Variants in NAV2 observed in about 807,000 individuals in gnomAD.
The protein encoded by NAV2 is neuron navigator 2.
A neutral mutation model predicts 223.2 loss-of-function variants in NAV2; 54 were observed. The observed-to-expected ratio is 0.24, with a 90% CI of 0.19 to 0.30. The LOEUF (loss-of-function observed/expected upper bound fraction) is 0.30, where lower values mean the gene tolerates loss of function less well. Among genes scored for constraint, NAV2 ranks in the 10% least tolerant of loss-of-function variants. NAV2 has a pLI of 1.00. For synonymous variants in NAV2, 1,279 were observed against 1,239.3 expected, an observed-to-expected ratio of 1.03 and a Z score of -0.67; for missense variants, 2,806 against 3,147.5, an observed-to-expected ratio of 0.89 and a Z score of 2.60.
intron 1 of NAV2, among the ~76,000 whole-genome samples, chr11:19,698,799 C>T (rs2049421307): frequency 6.6e-6 from 1 of 152,008 alleles, no homozygotes; most frequent in South Asian, 2.1e-4. Context: ...GGACAGTGCT[C>T]ACGTGTGTGT....
intron 1 of NAV2, among the ~76,000 whole-genome samples, chr11:19,631,986 T>C (rs1361953432): frequency 6.6e-6 from 1 of 152,250 alleles, no homozygotes; most frequent in Non-Finnish European, 1.5e-5. Flanking sequence ...TTGTTTGCAT[T>C]CCAGCTGTGC....
At chr11:19,550,970 G>T (rs375598202) in intron 1 of NAV2, among the ~76,000 whole-genome samples, 1 of 152,248 alleles carries the variant, frequency 6.6e-6, no homozygotes, top group African/African-American at 2.4e-5. Flanking sequence ...TGAGAAGTAG[G>T]TATAAAGATG....
chr11:19,868,506 A>T (rs1052386518), intron 3 of NAV2, among the ~76,000 whole-genome samples: 6 of 152,226 alleles, frequency 3.9e-5, no homozygotes, highest in African/African-American at 1.4e-4. Context: ...GATTCCTGCG[A>T]AAACTCCCAT....
chr11:19,405,233 G>C (rs182333365), intron 1 of NAV2, among the ~76,000 whole-genome samples: 1 of 152,308 alleles, frequency 6.6e-6, no homozygotes, highest in East Asian at 1.9e-4. Flanking sequence ...TCTCTTCATG[G>C]ATGGGGAGAT....
intron 1 of NAV2, among the ~76,000 whole-genome samples, chr11:19,727,604 T>C (rs1240799968): frequency 6.6e-6 from 1 of 152,258 alleles, no homozygotes; most frequent in African/African-American, 2.4e-5. Flanking sequence ...CACCCTGCAA[T>C]TGTGCATTGA....
intron 1 of NAV2, among the ~76,000 whole-genome samples, chr11:19,390,723 A>G (rs1027381538): frequency 3.9e-5 from 6 of 152,106 alleles, no homozygotes; most frequent in Admixed American, 3.3e-4. Flanking sequence ...AATGGTCAGG[A>G]AGGCTTCTCT....
chr11:19,708,251 A>C (rs769448129), upstream of NAV2, among the ~76,000 whole-genome samples: 64 of 152,224 alleles, frequency 4.2e-4, 1 homozygote, highest in Non-Finnish European at 1.2e-4. Context: ...CAACTCAGCC[A>C]CTACTAAAAG....
intron 1 of NAV2, among the ~76,000 whole-genome samples, chr11:19,424,315 G>A (rs2133530355): frequency 6.6e-6 from 1 of 152,278 alleles, no homozygotes; most frequent in African/African-American, 2.4e-5. Context: ...ATTATTTGCT[G>A]CTTCCTAGAG....
intron 1 of NAV2, among the ~76,000 whole-genome samples, chr11:19,377,709 A>G (rs980664559): frequency 3.9e-5 from 6 of 152,052 alleles, no homozygotes; most frequent in Admixed American, 1.3e-4. Context: ...GTTCATGCCC[A>G]TTTTACAGAC....
At chr11:19,548,400 G>A (rs1479105219) in intron 1 of NAV2, among the ~76,000 whole-genome samples, 1 of 152,086 alleles carries the variant, frequency 6.6e-6, no homozygotes, top group African/African-American at 2.4e-5. Context: ...GCGAGCCTGT[G>A]CTTACCTCCA....
chr11:19,779,699 A>G (rs1277772083), intron 1 of NAV2, among the ~76,000 whole-genome samples: 1 of 152,246 alleles, frequency 6.6e-6, no homozygotes, highest in Non-Finnish European at 1.5e-5. Context: ...GATCCAGCAT[A>G]GAGTTGGAAG....
At position 20,018,983 on chromosome 11, in the gene NAV2, C is replaced by T. The variant is rs2436184; in HGVS notation, c.2769-16976C>T. On this transcript the variant is annotated intron_variant, in intron 11 of 37. Coordinates refer to ENST00000349880, the MANE Select transcript of NAV2 (RefSeq NM_145117.5). ...TGCATTTGTGGGTCCTGTCTTTGGA[C>T]GTAATGAAGAGGAGAAGCCAGATCA... Among the ~76,000 whole-genome samples, 1,157 of 152,176 alleles carry T rather than the reference C, an allele frequency of 7.6e-3. 15 individuals carry two copies. Among genetic ancestry groups the T allele is most frequent in the African/African-American group, 0.026 (1,095 of 41,498 alleles).
intron 6 of NAV2, among the ~76,000 whole-genome samples, chr11:19,897,464 A>G (rs1006030542): frequency 6.6e-6 from 1 of 152,158 alleles, no homozygotes; most frequent in Non-Finnish European, 1.5e-5. Context: ...GGAAATCCTA[A>G]AGAATTTATC....
intron 11 of NAV2, among the ~76,000 whole-genome samples, chr11:20,031,896 A>C (rs1424540258): frequency 6.6e-6 from 1 of 152,168 alleles, no homozygotes; most frequent in Non-Finnish European, 1.5e-5. Context: ...TGAATCTCCA[A>C]CAAGGCAGGA....
At chr11:19,413,463 A>G (rs1441272180) in intron 1 of NAV2, among the ~76,000 whole-genome samples, 1 of 152,190 alleles carries the variant, frequency 6.6e-6, no homozygotes, top group Non-Finnish European at 1.5e-5. Flanking sequence ...TGTACCTGAA[A>G]GTGATGGGGA....
At chr11:19,791,436 G>T (rs767363299) in intron 1 of NAV2, among the ~76,000 whole-genome samples, 1 of 152,084 alleles carries the variant, frequency 6.6e-6, no homozygotes, top group Non-Finnish European at 1.5e-5. Flanking sequence ...CAGGTGTGGA[G>T]CCCCTGGGGA....
chr11:20,073,912 T>C lies in NAV2; in HGVS notation c.4984-3640T>C, dbSNP rs138259253. 7.9e-3 allele frequency among the ~76,000 whole-genome samples: 1,207 copies of C among 152,260 alleles called. 15 individuals are homozygous for C. Among genetic ancestry groups the C allele is most frequent in the African/African-American group, 0.027 (1,106 of 41,540 alleles). The stretch of plus-strand genomic sequence containing the variant: ...CTGGATTCACTGATTTTTTGAAGGG[T>C]TTTTTGTGTCTCTATCTCCTTCAGT... On this transcript the variant is annotated intron_variant, in intron 22 of 37. Transcript: ENST00000349880.
chr11:19,791,210 A>G (rs1322210609), intron 1 of NAV2, among the ~76,000 whole-genome samples: 1 of 152,174 alleles, frequency 6.6e-6, no homozygotes, highest in Non-Finnish European at 1.5e-5. Context: ...CCACGTGGAC[A>G]TCACTCACAT....
intron 1 of NAV2, among the ~76,000 whole-genome samples, chr11:19,531,965 T>C (rs1464225965): frequency 6.6e-6 from 1 of 151,972 alleles, no homozygotes; most frequent in Admixed American, 6.5e-5. Flanking sequence ...TTAACAGCTG[T>C]GAGAGTTGAG....
Sources: gnomAD v4.1 joint callset for allele counts (sites outside exome capture counted in the v4.1 genomes callset) on GRCh38, gnomAD v4.1.1 for gene constraint, MANE v1.5 for transcripts, NCBI Gene and HGNC (gene_info 2026-07-23, HGNC 2026-07-21) for gene names.